Variants in UACA observed in about 807,000 individuals in gnomAD.
The protein encoded by UACA is nuclear membrane binding protein.
Under a neutral mutation model 160.5 loss-of-function variants are expected in UACA, and 112 were observed. The observed-to-expected ratio is 0.70, with a 90% CI of 0.60 to 0.82. The LOEUF (loss-of-function observed/expected upper bound fraction) is 0.82. Among genes scored for constraint, UACA ranks in the 40% least tolerant of loss-of-function variants. The pLI is 0.00. For synonymous variants in UACA, 557 were observed against 568.4 expected (o/e 0.98, Z 0.29); for missense variants, 1,574 against 1,614.6 (o/e 0.97, Z 0.43).
chr15:70,771,214 C>T, the UACA span, among the ~76,000 whole-genome samples: 1 of 152,304 alleles, frequency 6.6e-6, no homozygotes, highest in African/African-American at 2.4e-5. Context: ...GGAAATCAAC[C>T]TCAGGAAGGA....
intron 9 of UACA, chr15:70,681,427 C>T (rs977652881): frequency 2.6e-5 from 4 of 151,922 alleles, no homozygotes; most frequent in African/African-American, 2.4e-5. Flanking sequence ...CAATAAATGA[C>T]GGAAACACAG....
intron 1 of UACA, among the ~76,000 whole-genome samples, chr15:70,763,064 G>A (rs1272470752): frequency 6.6e-6 from 1 of 152,152 alleles, no homozygotes; most frequent in Non-Finnish European, 1.5e-5. Flanking sequence ...GGCCAGAACC[G>A]CCCCACTGAG....
chr15:70,692,492 C>T (rs1488681728), intron 3 of UACA, among the ~76,000 whole-genome samples: 1 of 152,044 alleles, frequency 6.6e-6, no homozygotes, highest in Admixed American at 6.6e-5. Context: ...ATTTGGGGGC[C>T]GGACACTGTG....
intron 1 of UACA, among the ~76,000 whole-genome samples, chr15:70,762,547 A>C (rs1162675935): frequency 6.6e-6 from 1 of 152,198 alleles, no homozygotes; most frequent in African/African-American, 2.4e-5. Flanking sequence ...TCTCCTGCCA[A>C]CTAAAGAGGC....
At chr15:70,700,320 C>T (rs61001363) in intron 1 of UACA, among the ~76,000 whole-genome samples, 13,899 of 125,936 alleles carry the variant, frequency 0.11, 832 homozygotes, top group African/African-American at 0.2. Flanking sequence ...TATATATATA[C>T]ACACACACAC....
At chr15:70,762,719 T>C (rs1392739328) in intron 1 of UACA, among the ~76,000 whole-genome samples, 3 of 152,206 alleles carry the variant, frequency 2.0e-5, no homozygotes, top group Admixed American at 6.5e-5. Context: ...GGGTTTTGTC[T>C]TTACGACTAA....
chr15:70,667,499 C>T lies in UACA; in HGVS notation c.3185G>A (p.Ser1062Asn). Residue 1062 changes from serine to asparagine, a missense_variant, in exon 16 of 19, where the codon AGC (serine) becomes AAC (asparagine). By Grantham distance (46) the Ser-to-Asn change is conservative. Transcript: ENST00000322954. ...TTTGTTTAGCTCGTCTGTTTTTCTG[C>T]TTAATGCTCTTTCCATTTCATGAGA... ...EKSHEMERALSRKTDELNKQL... is the reference protein window; with the variant it reads ...EKSHEMERALNRKTDELNKQL... 7 of 1,612,096 alleles carry T rather than the reference C, an allele frequency of 4.3e-6. No homozygotes were observed. The highest frequency in any genetic ancestry group is 5.9e-6 in the Non-Finnish European group (7 of 1,179,860).
chr15:70,661,461 A>T (rs1456747353), intron 17 of UACA: 1 of 152,124 alleles, frequency 6.6e-6, no homozygotes, highest in Non-Finnish European at 1.5e-5. Context: ...GGGACACTAT[A>T]CTCTTTGGAT....
chr15:70,743,030 C>T (rs1203376652), intron 1 of UACA, among the ~76,000 whole-genome samples: 4 of 152,124 alleles, frequency 2.6e-5, no homozygotes, highest in Admixed American at 6.6e-5. Context: ...CTTACAGGCT[C>T]GTTTGGTTGT....
Position 70,677,113 on chromosome 15 carries a change from T to C in UACA, c.1027A>G (p.Ser343Gly), listed in dbSNP as rs142271497. ...AAAATAAAATGTCACCCTACCTCGC[T>C]TTCCAGATCATCAGCAACCATAACT... is the stretch of plus-strand genomic sequence containing the variant. ...EEVMVADDLE[S>G]EREKLKSLLA... Residue 343 changes from serine to glycine, a missense_variant, in exon 12 of 19, where the codon AGC (serine) becomes GGC (glycine). By Grantham distance (56) the Ser-to-Gly change is moderately conservative. Transcript: ENST00000322954. 1.5e-4 allele frequency: 238 copies of C among 1,604,294 alleles called. 1 individual carries two copies. The African/African-American group carries it at 2.7e-3, about 18-fold the overall frequency.
At chr15:70,692,576 C>T (rs1046971889) in intron 3 of UACA, among the ~76,000 whole-genome samples, 3 of 151,982 alleles carry the variant, frequency 2.0e-5, no homozygotes, top group Non-Finnish European at 4.4e-5. Context: ...TTGAGACCAG[C>T]GTGGGCAACA....
chr15:70,760,292 A>C (rs780529267), intron 1 of UACA, among the ~76,000 whole-genome samples: 2 of 152,162 alleles, frequency 1.3e-5, no homozygotes, highest in African/African-American at 4.8e-5. Flanking sequence ...AATATCGCAG[A>C]GTGGAAAGGC....
At chr15:70,739,640 TA>T (rs1899469190) in intron 1 of UACA, among the ~76,000 whole-genome samples, 1 of 152,178 alleles carries the variant, frequency 6.6e-6, no homozygotes, top group Admixed American at 6.5e-5. Flanking sequence ...TTCAAAGTTT[TA>T]TTGACAATTC....
intron 1 of UACA, among the ~76,000 whole-genome samples, chr15:70,705,810 C>A (rs1374554618): frequency 6.6e-6 from 1 of 151,952 alleles, no homozygotes; most frequent in Admixed American, 6.6e-5. Flanking sequence ...CCTGATTAAA[C>A]AAACTATATT....
the UACA span, among the ~76,000 whole-genome samples, chr15:70,777,691 AC>A: frequency 6.6e-6 from 1 of 152,204 alleles, no homozygotes; most frequent in African/African-American, 2.4e-5. Flanking sequence ...GCCATTGGTA[AC>A]CTGGACCACG....
At position 70,739,032 on chromosome 15, in the gene UACA, T is replaced by C. The variant is rs374405511; in HGVS notation, c.78+24298A>G. ...AACACATTCTATTGTTCAAAGCAAG[T>C]CATGAATCCAACCCATATTCAAGAG... On this transcript the variant is annotated intron_variant, in intron 1 of 18. Transcript: ENST00000322954. 3.0e-4 allele frequency among the ~76,000 whole-genome samples: 46 copies of C among 152,320 alleles called. 1 individual carries two copies. Among genetic ancestry groups the C allele is most frequent in the African/African-American group, 1.1e-3 (45 of 41,576 alleles).
intron 17 of UACA, among the ~76,000 whole-genome samples, chr15:70,662,887 TATACCTAAAACCATA>T (rs1896763564): frequency 6.6e-6 from 1 of 152,022 alleles, no homozygotes; most frequent in Non-Finnish European, 1.5e-5. Context: ...ACTTAAATGT[TATACCTAAAACCATA>T]AAAACCCTAG....
At chr15:70,681,287 C>A (rs1054649824) in intron 9 of UACA, among the ~76,000 whole-genome samples, 1 of 152,128 alleles carries the variant, frequency 6.6e-6, no homozygotes, top group African/African-American at 2.4e-5. Context: ...CAGCAGATAT[C>A]TGTGAACAAA....
chr15:70,774,559 A>G, the UACA span, among the ~76,000 whole-genome samples: 1 of 151,298 alleles, frequency 6.6e-6, no homozygotes, highest in Non-Finnish European at 1.5e-5. Context: ...AAAAAAAAAA[A>G]GACCACATGC....
Sources: gnomAD v4.1 joint callset for allele counts (sites outside exome capture counted in the v4.1 genomes callset) on GRCh38, gnomAD v4.1.1 for gene constraint, MANE v1.5 for transcripts, NCBI Gene and HGNC (gene_info 2026-07-23, HGNC 2026-07-21) for gene names.